Variants in CCDC146 observed in about 807,000 individuals in gnomAD.
CCDC146 encodes the protein coiled-coil domain-containing protein 146.
A neutral mutation model predicts 119.3 loss-of-function variants in CCDC146; 92 were observed. That is an observed-to-expected ratio of 0.77 (90% CI 0.65 to 0.92). The LOEUF (loss-of-function observed/expected upper bound fraction) is 0.92. Ranked by LOEUF, CCDC146 falls within the 40% of genes least tolerant of loss-of-function variation. The pLI, the probability that CCDC146 is intolerant of heterozygous loss-of-function variation, is 0.00. For synonymous variants in CCDC146, 372 were observed against 371.8 expected, an observed-to-expected ratio of 1.00 and a Z score of -0.01; for missense variants, 1,000 against 1,103.0, an observed-to-expected ratio of 0.91 and a Z score of 1.32.
chr7:77,260,012 A>T lies in CCDC146; in HGVS notation c.762A>T (p.Glu254Asp). 1 of 1,588,558 alleles carries T rather than the reference A, an allele frequency of 6.3e-7. No individual in the cohort carries two copies. Among genetic ancestry groups the T allele is most frequent in the Non-Finnish European group, 8.6e-7 (1 of 1,161,082 alleles). Residue 254 changes from glutamate to aspartate, a missense_variant, in exon 8 of 19, where the codon GAA (glutamate) becomes GAT (aspartate). Transcript: ENST00000285871. ...EIEKITRKKV[E>D]MEKKKIVLEQ... Reference sequence around the variant, plus strand: ...TGTGTGTGTGTATCCCCTACAGAGAAATGGAAAAGAAAAAAATTGTCTTGG... The same window carrying T: ...TGTGTGTGTGTATCCCCTACAGAGATATGGAAAAGAAAAAAATTGTCTTGG...
At chr7:77,217,775 A>T (rs1792328201) in intron 2 of CCDC146, among the ~76,000 whole-genome samples, 2 of 152,186 alleles carry the variant, frequency 1.3e-5, no homozygotes, top group Admixed American at 6.6e-5. Context: ...ACAAGTCTGT[A>T]CAGCATGTTA....
Position 77,217,562 on chromosome 7 carries a change from T to TAGAG in CCDC146, c.157-19370_157-19367dup, listed in dbSNP as rs34086605. 4.0e-3 allele frequency among the ~76,000 whole-genome samples: 582 copies of TAGAG among 147,288 alleles called. 1 individual carries two copies. The highest frequency in any genetic ancestry group is 0.014 in the African/African-American group (551 of 40,178). Reference sequence around the variant, plus strand: ...TTAACTATATATACATATATATATATAGAGAGAGAGAGAGAGAGTTATATA... The same window carrying TAGAG: ...TTAACTATATATACATATATATATATAGAGAGAGAGAGAGAGAGAGAGTTATATA... On this transcript the variant is annotated intron_variant, in intron 2 of 18. Transcript: ENST00000285871.
rs770119287 is a variant in CCDC146 at position 77,196,855 on chromosome 7, C to T, written c.156+29031C>T. On this transcript the variant is annotated intron_variant, in intron 2 of 18. Transcript: ENST00000285871. This position sits in a 1 kb window ranked among gnomAD's most constrained non-coding sequence, Gnocchi z 4.2. ...GTGCCTGCAGCACTGTCCAGCCTCC[C>T]CCCATGGTCTCCATGTCACAGTAAA... 1.2e-6 allele frequency: 2 copies of T among 1,614,006 alleles called. No homozygotes were observed. Among genetic ancestry groups the T allele is most frequent in the East Asian group, 2.2e-5 (1 of 44,860 alleles).
chr7:77,137,679 G>C (rs1790878368), intron 1 of CCDC146, among the ~76,000 whole-genome samples: 1 of 151,318 alleles, frequency 6.6e-6, no homozygotes, highest in Non-Finnish European at 1.5e-5. Context: ...TTCCCAAATT[G>C]ATCTGTAGAT....
chr7:77,260,257 T>C (rs769892264), intron 8 of CCDC146, 21 bp downstream of exon 8: 56 of 1,542,788 alleles, frequency 3.6e-5, no homozygotes, highest in Non-Finnish European at 4.9e-5. Flanking sequence ...TTTATGTATG[T>C]TATGTTCTGT....
intron 1 of CCDC146, among the ~76,000 whole-genome samples, chr7:77,135,106 A>C (rs1399205418): frequency 6.6e-6 from 1 of 152,222 alleles, no homozygotes; most frequent in Non-Finnish European, 1.5e-5. Context: ...TGAGTAAATA[A>C]TTATCTTGTT....
At chr7:77,190,706 G>A (rs1467781364) in intron 2 of CCDC146, among the ~76,000 whole-genome samples, 1 of 152,148 alleles carries the variant, frequency 6.6e-6, no homozygotes, top group African/African-American at 2.4e-5. Context: ...ATCAACAAAG[G>A]AGACCTGGCA....
In CCDC146 at chr7:77,196,364, C is replaced by G. The variant is rs1791869943; in HGVS notation, c.156+28540C>G. On this transcript the variant is annotated intron_variant, in intron 2 of 18. Coordinates refer to ENST00000285871, the MANE Select transcript of CCDC146 (RefSeq NM_020879.3). The surrounding 1 kb of genome is among the most constrained non-coding windows in gnomAD (Gnocchi z 4.2). ...GCCACCAGGGTGTGCCTCACTTACA[C>G]CAGGCCAGGTACCCCAGAAAATCCC... 6.2e-7 allele frequency: 1 copy of G among 1,614,100 alleles called. No homozygotes were observed. Among genetic ancestry groups the G allele is most frequent in the Non-Finnish European group, 8.5e-7 (1 of 1,180,010 alleles).
At chr7:77,217,349 CAT>C (rs1354525293) in intron 2 of CCDC146, among the ~76,000 whole-genome samples, 3 of 144,728 alleles carry the variant, frequency 2.1e-5, no homozygotes, top group African/African-American at 5.3e-5. Flanking sequence ...CACACACACA[CAT>C]ATGTATATAT....
Position 77,143,726 on chromosome 7 carries a change from A to G in CCDC146, c.-12+20994A>G, listed in dbSNP as rs763916189. Among the ~76,000 whole-genome samples, 98 of 151,812 alleles carry G rather than the reference A, an allele frequency of 6.5e-4. 1 individual carries two copies. The highest frequency in any genetic ancestry group is 1.1e-3 in the Non-Finnish European group (75 of 68,002). On this transcript the variant is annotated intron_variant, in intron 1 of 18. Coordinates refer to ENST00000285871, the MANE Select transcript of CCDC146 (RefSeq NM_020879.3). ...GTTTTGTCAAAGACTGGATAGTTGT[A>G]GATGTGTGGTATTATTTCTGAGGGC...
At chr7:77,237,287 G>A (rs1395038545) in intron 3 of CCDC146, among the ~76,000 whole-genome samples, 2 of 152,192 alleles carry the variant, frequency 1.3e-5, no homozygotes, top group African/African-American at 2.4e-5. Flanking sequence ...CCTCACAGAG[G>A]AGCCTCTGAG....
At chr7:77,225,803 C>T (rs912524958) in intron 2 of CCDC146, among the ~76,000 whole-genome samples, 7 of 152,020 alleles carry the variant, frequency 4.6e-5, no homozygotes, top group Non-Finnish European at 1.0e-4. Context: ...ATTAGCTTGG[C>T]ATGGTGGCGG....
chr7:77,234,506 G>T (rs904246668), intron 2 of CCDC146, among the ~76,000 whole-genome samples: 1 of 152,150 alleles, frequency 6.6e-6, no homozygotes, highest in African/African-American at 2.4e-5. Context: ...AGGCCAAGGC[G>T]GGTGGGTTGC....
chr7:77,256,625 A>G (rs1334452632), intron 6 of CCDC146, 116 bp downstream of exon 6: 3 of 774,114 alleles, frequency 3.9e-6, no homozygotes, highest in East Asian at 5.4e-5. Context: ...ACAAACTGAA[A>G]TATCTGCATT....
At chr7:77,139,579 A>G (rs1291054356) in intron 1 of CCDC146, among the ~76,000 whole-genome samples, 1 of 152,208 alleles carries the variant, frequency 6.6e-6, no homozygotes, top group Non-Finnish European at 1.5e-5. Context: ...ACTCTGGTGG[A>G]GGATGTTGAT....
Position 77,151,557 on chromosome 7 carries a change from C to T in CCDC146, c.-11-16101C>T, listed in dbSNP as rs935451479. Among the ~76,000 whole-genome samples, 17 of 152,126 alleles carry T rather than the reference C, an allele frequency of 1.1e-4. 1 individual carries two copies. The highest frequency in any genetic ancestry group is 3.9e-4 in the African/African-American group (16 of 41,418). ...ACACAACTGTCAACGTTTGTAAAAT[C>T]TCATTGAATTGTACACTTAAACTTG... On this transcript the variant is annotated intron_variant, in intron 1 of 18. Transcript: ENST00000285871.
rs145334670 is a variant in CCDC146 at position 77,250,828 on chromosome 7, C to CTTT, written c.450-3664_450-3662dup. Among the ~76,000 whole-genome samples the CTTT allele has an allele frequency of 6.1e-3, 814 of 133,216 alleles. 18 individuals carry two copies. Among genetic ancestry groups the CTTT allele is most frequent in the Middle Eastern group, 0.019 (5 of 260 alleles). The allele number at this position is 133,216 out of a possible 152,430, so 87.4% of individuals were successfully genotyped here. A position where few individuals can be genotyped will look rare whatever the true frequency, so the allele number is the denominator to read the frequency against. On this transcript the variant is annotated intron_variant, in intron 4 of 18. Coordinates refer to ENST00000285871, the MANE Select transcript of CCDC146 (RefSeq NM_020879.3). ...TTGGATATTCTGGTATTTTCCTAGT[C>CTTT]TTTTTTTTTTTTTTTTCCAGTTTGG...
intron 17 of CCDC146, among the ~76,000 whole-genome samples, chr7:77,289,390 A>C (rs1191156148): frequency 6.6e-6 from 1 of 151,862 alleles, no homozygotes; most frequent in Non-Finnish European, 1.5e-5. Context: ...TCCTTTCCCT[A>C]CCTTCCATGC....
chr7:77,158,135 C>T (rs537619799), intron 1 of CCDC146, among the ~76,000 whole-genome samples: 2 of 150,892 alleles, frequency 1.3e-5, no homozygotes, highest in South Asian at 4.2e-4. Flanking sequence ...AAGAACGTTG[C>T]TTTTTATTTG....
Sources: allele counts gnomAD v4.1 joint callset (sites outside exome capture counted in the v4.1 genomes callset), GRCh38; gene constraint gnomAD v4.1.1; non-coding constraint Gnocchi (gnomAD v3.1); transcripts MANE v1.5; gene names NCBI Gene and HGNC (gene_info 2026-07-23, HGNC 2026-07-21).